Variants in MTBP observed in about 807,000 individuals in gnomAD.
The protein encoded by MTBP is mdm2-binding protein.
In MTBP, 101 loss-of-function variants were observed where a neutral mutation model predicts 117.0. The ratio of observed to expected loss-of-function variants is 0.86; its 90% confidence interval spans 0.73 to 1.02. The LOEUF (loss-of-function observed/expected upper bound fraction) is 1.02, where lower values mean the gene tolerates loss of function less well. Ranked by LOEUF, MTBP falls within the 50% of genes least tolerant of loss-of-function variation. The probability of loss-of-function intolerance (pLI) is 0.00; values close to 1 mark genes in which losing one functional copy is unlikely to be tolerated. For missense variants in MTBP, 970 were observed against 1,030.9 expected (o/e 0.94, Z 0.81); for synonymous variants, 350 against 351.5 (o/e 1.00, Z 0.05).
chr8:120,488,204 T>C lies in MTBP; in HGVS notation c.1211T>C (p.Leu404Ser). Reference protein sequence around the residue: ...VKGECSSYYLLLQGNGNRRCK... With the variant: ...VKGECSSYYLSLQGNGNRRCK... ...GGAGAGTGTTCTAGCTATTATCTCTTGTTACAAGGTAATGGCAATAGAAGA... is the reference window on the plus strand; with the variant it reads ...GGAGAGTGTTCTAGCTATTATCTCTCGTTACAAGGTAATGGCAATAGAAGA... Residue 404 changes from leucine to serine, a missense_variant, in exon 12 of 22, where the codon TTG becomes TCG. By Grantham distance (145) the Leu-to-Ser change is moderately radical. Coordinates refer to ENST00000305949, the MANE Select transcript of MTBP (RefSeq NM_022045.5). 1.3e-6 allele frequency: 2 copies of C among 1,593,976 alleles called. No homozygotes were observed. The highest frequency in any genetic ancestry group is 1.7e-6 in the Non-Finnish European group (2 of 1,173,244).
chr8:120,476,808 G>A (rs1475175013), intron 11 of MTBP, among the ~76,000 whole-genome samples: 4 of 152,144 alleles, frequency 2.6e-5, no homozygotes, highest in African/African-American at 9.7e-5. Context: ...AATCAATACC[G>A]TGAAAATGGC....
intron 12 of MTBP, among the ~76,000 whole-genome samples, chr8:120,489,433 T>G (rs895639003): frequency 6.6e-6 from 1 of 152,170 alleles, no homozygotes; most frequent in Non-Finnish European, 1.5e-5. Context: ...AGTGTCACGT[T>G]TACGTTACAT....
intron 9 of MTBP, among the ~76,000 whole-genome samples, chr8:120,462,095 G>T (rs1411805586): frequency 6.6e-6 from 1 of 152,152 alleles, no homozygotes; most frequent in African/African-American, 2.4e-5. Flanking sequence ...AGATTGGAGA[G>T]CCTTTTCAGA....
At chr8:120,464,792 T>C (rs183269332) in intron 10 of MTBP, among the ~76,000 whole-genome samples, 34 of 152,202 alleles carry the variant, frequency 2.2e-4, no homozygotes, top group Admixed American at 1.6e-3. Context: ...TTTACTAAAT[T>C]TTGAAATTTT....
chr8:120,489,424 G>T (rs2130582109), intron 12 of MTBP, among the ~76,000 whole-genome samples: 1 of 152,304 alleles, frequency 6.6e-6, no homozygotes, highest in Admixed American at 6.5e-5. Context: ...AAGTCATTCA[G>T]TGTCACGTTT....
intron 10 of MTBP, among the ~76,000 whole-genome samples, chr8:120,470,212 C>G (rs1190063488): frequency 6.6e-6 from 1 of 152,088 alleles, no homozygotes; most frequent in African/African-American, 2.4e-5. Context: ...GCATCTGTAT[C>G]CCCAGCCCTG....
intron 10 of MTBP, 134 bp from the exon 11 acceptor site, chr8:120,470,686 A>G: frequency 3.3e-6 from 2 of 602,208 alleles, no homozygotes; most frequent in Non-Finnish European, 5.6e-6. Flanking sequence ...TAGTTTTTAT[A>G]GTGGAGTTTT....
chr8:120,488,807 C>T (rs1324556806), intron 12 of MTBP, among the ~76,000 whole-genome samples: 1 of 152,056 alleles, frequency 6.6e-6, no homozygotes, highest in African/African-American at 2.4e-5. Flanking sequence ...TGAATGAGCT[C>T]AGTTGGATGT....
chr8:120,445,672 G>A (rs1385609527), intron 1 of MTBP, 84 bp downstream of exon 1: 2 of 1,114,218 alleles, frequency 1.8e-6, no homozygotes, highest in African/African-American at 1.6e-5. Flanking sequence ...CTGCTGAAGA[G>A]GGATCAATAT....
At chr8:120,506,571 C>T in intron 15 of MTBP, 135 bp from the exon 16 acceptor site, 2 of 548,960 alleles carry the variant, frequency 3.6e-6, no homozygotes, top group East Asian at 6.2e-5. Flanking sequence ...GTTTAATTCT[C>T]CCATGTTGCT....
chr8:120,453,318 G>GTCCCAGCTA (rs1486017358), intron 4 of MTBP, among the ~76,000 whole-genome samples: 2 of 152,086 alleles, frequency 1.3e-5, no homozygotes, highest in Non-Finnish European at 2.9e-5. Context: ...TGTGCTTGTA[G>GTCCCAGCTA]TCCCAGCTAT....
At chr8:120,492,260 G>A (rs1044126099) in intron 13 of MTBP, among the ~76,000 whole-genome samples, 1 of 152,122 alleles carries the variant, frequency 6.6e-6, no homozygotes, top group Admixed American at 6.5e-5. Flanking sequence ...AGTTAATACT[G>A]GATTAAAAAC....
chr8:120,469,462 T>C (rs565533855), intron 10 of MTBP, among the ~76,000 whole-genome samples: 29 of 152,344 alleles, frequency 1.9e-4, no homozygotes, highest in Non-Finnish European at 2.6e-4. Context: ...TTGCTCTCAA[T>C]TGGTTTTTGT....
chr8:120,522,722 A>G lies in MTBP; in HGVS notation c.2676+3A>G. 6.3e-7 allele frequency: 1 copy of G among 1,590,454 alleles called. No homozygotes were observed. The highest frequency in any genetic ancestry group is 8.6e-7 in the Non-Finnish European group (1 of 1,168,120). ...CAGCAAACAACAATGCTGTACAGGT[A>G]AAGAAATTATTCCCAAGAAACTATA... On this transcript the variant is annotated splice_donor_region_variant and intron_variant, in intron 21 of 21. Coordinates refer to ENST00000305949, the MANE Select transcript of MTBP (RefSeq NM_022045.5).
intron 13 of MTBP, among the ~76,000 whole-genome samples, chr8:120,495,305 C>T (rs1814428122): frequency 6.6e-6 from 1 of 152,016 alleles, no homozygotes; most frequent in South Asian, 2.1e-4. Flanking sequence ...AATATAATTC[C>T]TATTCTTTGT....
At chr8:120,454,657 C>T (rs1813430586) in intron 5 of MTBP, among the ~76,000 whole-genome samples, 2 of 151,926 alleles carry the variant, frequency 1.3e-5, no homozygotes, top group Admixed American at 1.3e-4. Context: ...AGCCAGATCT[C>T]TATATTCAAG....
intron 10 of MTBP, among the ~76,000 whole-genome samples, chr8:120,468,634 G>A (rs901567162): frequency 1.3e-5 from 2 of 151,746 alleles, no homozygotes; most frequent in Non-Finnish European, 3.0e-5. Flanking sequence ...ATTGTGTGAC[G>A]TGTGGTCAGG....
intron 20 of MTBP, among the ~76,000 whole-genome samples, chr8:120,520,031 A>G (rs1814987890): frequency 6.6e-6 from 1 of 152,128 alleles, no homozygotes; most frequent in Non-Finnish European, 1.5e-5. Context: ...GAAACCAGTG[A>G]CAATCTCTGC....
intron 2 of MTBP, among the ~76,000 whole-genome samples, chr8:120,448,786 G>A (rs1332288769): frequency 6.6e-6 from 1 of 152,168 alleles, no homozygotes; most frequent in East Asian, 1.9e-4. Context: ...GTGCATATCA[G>A]AACCATGCAA....
Sources: gnomAD v4.1 joint callset for allele counts (sites outside exome capture counted in the v4.1 genomes callset) on GRCh38, gnomAD v4.1.1 for gene constraint, MANE v1.5 for transcripts, NCBI Gene and HGNC (gene_info 2026-07-23, HGNC 2026-07-21) for gene names.